The following ZC3H3 variants were observed in gnomAD, a reference collection of about 807,000 sequenced individuals.
The protein encoded by ZC3H3 is zinc finger CCCH domain-containing protein 3.
A neutral mutation model predicts 77.3 loss-of-function variants in ZC3H3; 36 were observed. That is an observed-to-expected ratio of 0.47 (90% CI 0.36 to 0.61). ZC3H3 has a LOEUF of 0.61. Among genes scored for constraint, ZC3H3 ranks in the 20% least tolerant of loss-of-function variants. The probability of loss-of-function intolerance (pLI) is 0.00; values close to 1 mark genes in which losing one functional copy is unlikely to be tolerated. For synonymous variants in ZC3H3, 626 were observed against 555.2 expected, an observed-to-expected ratio of 1.13 and a Z score of -1.79; for missense variants, 1,331 against 1,312.2, an observed-to-expected ratio of 1.01 and a Z score of -0.22.
chr8:143,440,887 G>A, intron 10 of ZC3H3, 49 bp downstream of exon 10: 1 of 1,355,562 alleles, frequency 7.4e-7, no homozygotes, highest in Non-Finnish European at 9.5e-7. Flanking sequence ...TCCCCAGACA[G>A]GGAGGGGGCC....
chr8:143,478,348 A>G (rs1161939946), intron 4 of ZC3H3, among the ~76,000 whole-genome samples: 1 of 152,154 alleles, frequency 6.6e-6, no homozygotes, highest in Non-Finnish European at 1.5e-5. Flanking sequence ...ACAGCTGGCC[A>G]GGCCCAGGGA....
intron 9 of ZC3H3, among the ~76,000 whole-genome samples, chr8:143,452,949 T>C (rs909378035): frequency 3.9e-5 from 6 of 152,166 alleles, no homozygotes; most frequent in African/African-American, 9.7e-5. Context: ...ATTCAGGAAG[T>C]TGAGCAAACC....
chr8:143,459,781 A>G (rs986653619), intron 9 of ZC3H3, among the ~76,000 whole-genome samples: 63 of 152,190 alleles, frequency 4.1e-4, no homozygotes, highest in African/African-American at 1.5e-3. Context: ...AAAAAAAACC[A>G]AAAACCTAAT....
At chr8:143,512,941 G>A (rs1262681046) in intron 3 of ZC3H3, among the ~76,000 whole-genome samples, 2 of 152,240 alleles carry the variant, frequency 1.3e-5, no homozygotes, top group Admixed American at 1.3e-4. Flanking sequence ...CTGCCTGGAA[G>A]GAGCAGAGCC....
intron 3 of ZC3H3, among the ~76,000 whole-genome samples, chr8:143,535,649 G>A (rs1290354660): frequency 2.0e-5 from 3 of 152,254 alleles, no homozygotes; most frequent in Non-Finnish European, 4.4e-5. Context: ...CGCAGTGGGG[G>A]TCAACCTCAA....
chr8:143,456,843 G>A (rs1193691524), intron 9 of ZC3H3, among the ~76,000 whole-genome samples: 3 of 152,152 alleles, frequency 2.0e-5, no homozygotes, highest in African/African-American at 7.2e-5. Context: ...GCTACAGCCT[G>A]GGCAACAAAG....
chr8:143,529,627 G>A lies in ZC3H3; in HGVS notation c.1561+6630C>T, dbSNP rs1971214. ...GGGGAGACCCCACACAGGACTGGGC[G>A]GGCGGCCAGGGCTCTGGGGAGGCTG... On this transcript the variant is annotated intron_variant, in intron 3 of 11. Coordinates refer to ENST00000262577, the MANE Select transcript of ZC3H3 (RefSeq NM_015117.3). Among the ~76,000 whole-genome samples, 1,291 of 152,290 alleles carry A rather than the reference G, an allele frequency of 8.5e-3. 9 individuals carry two copies. Among genetic ancestry groups the A allele is most frequent in the African/African-American group, 0.029 (1,216 of 41,556 alleles).
In ZC3H3 at chr8:143,481,020, T is replaced by A. The variant is rs188158953; in HGVS notation, c.1716-5435A>T. Among the ~76,000 whole-genome samples the A allele has an allele frequency of 1.9e-3, 295 of 152,280 alleles. 2 individuals are homozygous for A. The highest frequency in any genetic ancestry group is 6.7e-3 in the African/African-American group (280 of 41,542). ...GCAGCTTTTAAGCCCAAAAGCTGTATCTTCCGATTGCCCAGTCCCACAGCA... is the reference window on the plus strand; with the variant it reads ...GCAGCTTTTAAGCCCAAAAGCTGTAACTTCCGATTGCCCAGTCCCACAGCA... On this transcript the variant is annotated intron_variant, in intron 4 of 11. Transcript: ENST00000262577.
At chr8:143,506,391 T>C (rs1018001364) in intron 4 of ZC3H3, among the ~76,000 whole-genome samples, 15 of 152,232 alleles carry the variant, frequency 9.9e-5, no homozygotes, top group Admixed American at 9.8e-4. Flanking sequence ...TAATTTAAGT[T>C]AATTTAGCTC....
rs930823906 is a variant in ZC3H3 at position 143,535,494 on chromosome 8, G to C, written c.1561+763C>G. ...AGAGCCCCAGAGTCGCACAGGACCAGGTGCACACAGACGAACGTGGCTCCA... is the reference window on the plus strand; with the variant it reads ...AGAGCCCCAGAGTCGCACAGGACCACGTGCACACAGACGAACGTGGCTCCA... On this transcript the variant is annotated intron_variant, in intron 3 of 11. Transcript: ENST00000262577. 2.0e-5 allele frequency among the ~76,000 whole-genome samples: 3 copies of C among 152,206 alleles called. 1 individual carries two copies. Among genetic ancestry groups the C allele is most frequent in the Admixed American group, 1.3e-4 (2 of 15,286 alleles).
At chr8:143,463,917 A>G (rs1820336969) in intron 9 of ZC3H3, among the ~76,000 whole-genome samples, 1 of 152,278 alleles carries the variant, frequency 6.6e-6, no homozygotes, top group African/African-American at 2.4e-5. Context: ...CCCAGCCTAA[A>G]TTATTCACAA....
At chr8:143,535,535 T>G (rs1822766538) in intron 3 of ZC3H3, among the ~76,000 whole-genome samples, 1 of 152,134 alleles carries the variant, frequency 6.6e-6, no homozygotes, top group Non-Finnish European at 1.5e-5. Context: ...ACCCCCACGG[T>G]GTCTGGGGGG....
chr8:143,539,124 C>T lies in ZC3H3; in HGVS notation c.243G>A (p.Pro81=), dbSNP rs146214248. ...GGTCGGCAGGAGGGTCTGAGGGTCCCGGGGGCCGATTCACGAGGGAGTATT... is the reference window on the plus strand; with the variant it reads ...GGTCGGCAGGAGGGTCTGAGGGTCCTGGGGGCCGATTCACGAGGGAGTATT... ...RKKYSLVNRP[P]GPSDPPADHA... Residue 81 remains proline (P), a synonymous_variant, in exon 2 of 12, where the codon CCG becomes CCA. Coordinates refer to ENST00000262577, the MANE Select transcript of ZC3H3 (RefSeq NM_015117.3). The T allele has an allele frequency of 1.4e-5, 22 of 1,612,902 alleles. No homozygotes were observed. The highest frequency in any genetic ancestry group is 1.6e-4 in the Middle Eastern group (1 of 6,062).
chr8:143,438,632 G>A (rs987511608), intron 11 of ZC3H3, among the ~76,000 whole-genome samples: 10 of 152,158 alleles, frequency 6.6e-5, no homozygotes, highest in African/African-American at 1.9e-4. Context: ...TCCCCACAGC[G>A]GGGAAGCCCA....
chr8:143,517,413 G>C (rs1010991242), intron 3 of ZC3H3, among the ~76,000 whole-genome samples: 1 of 152,182 alleles, frequency 6.6e-6, no homozygotes, highest in Non-Finnish European at 1.5e-5. Context: ...AGAGGAGCAG[G>C]AGGAAACCGG....
At chr8:143,524,068 C>T (rs960353818) in intron 3 of ZC3H3, among the ~76,000 whole-genome samples, 2 of 152,238 alleles carry the variant, frequency 1.3e-5, no homozygotes, top group Non-Finnish European at 2.9e-5. Context: ...CCGTCTCTCC[C>T]GGGCAGCCTC....
rs1245940969 is a variant in ZC3H3, at chr8:143,468,403, T to C, written c.2084A>G (p.Glu695Gly). 2.5e-6 allele frequency: 4 copies of C among 1,612,546 alleles called. No homozygotes were observed. The Admixed American group carries it at 6.7e-5, about 27-fold the overall frequency. Residue 695 changes from glutamate (E) to glycine (G), a missense_variant, in exon 7 of 12, where the codon GAG (glutamate) becomes GGG (glycine). By Grantham distance (98) the Glu-to-Gly change is moderately conservative (BLOSUM62 -2). Transcript: ENST00000262577. The part of the protein sequence containing the change: ...GERCPYIHDP[E>G]KVAVCTRFVR... ...GCACCTGGTGCACACGGCCACCTTC[T>C]CGGGATCGTGGATGTAGGGGCAGCG...
chr8:143,536,167 G>T, intron 3 of ZC3H3, 90 bp downstream of exon 3: 1 of 1,436,252 alleles, frequency 7.0e-7, no homozygotes, highest in Non-Finnish European at 9.3e-7. Flanking sequence ...CCAGCATGAG[G>T]CAGGGAAGGT....
chr8:143,465,296 C>T (rs1309408203), intron 9 of ZC3H3, among the ~76,000 whole-genome samples: 3 of 151,040 alleles, frequency 2.0e-5, no homozygotes, highest in Non-Finnish European at 4.4e-5. Context: ...GTGTCCCGTC[C>T]ACCCCCTGCC....
Sources: gnomAD v4.1 joint callset for allele counts (sites outside exome capture counted in the v4.1 genomes callset) on GRCh38, gnomAD v4.1.1 for gene constraint, MANE v1.5 for transcripts, NCBI Gene and HGNC (gene_info 2026-07-23, HGNC 2026-07-21) for gene names.